ADCY1: variants seen among roughly 807,000 people sequenced by gnomAD.
ADCY1 encodes adenylate cyclase type 1.
Under a neutral mutation model 105.4 loss-of-function variants are expected in ADCY1, and 28 were observed. The observed-to-expected ratio is 0.27, with a 90% CI of 0.20 to 0.36. The LOEUF (loss-of-function observed/expected upper bound fraction) is 0.36, where lower values mean the gene tolerates loss of function less well. Among genes scored for constraint, ADCY1 ranks in the 10% least tolerant of loss-of-function variants. The pLI, the probability that ADCY1 is intolerant of heterozygous loss-of-function variation, is 1.00. For missense variants in ADCY1, 977 were observed against 1,434.2 expected (o/e 0.68, Z 5.15); for synonymous variants, 655 against 623.8 (o/e 1.05, Z -0.75).
intron 14 of ADCY1, among the ~76,000 whole-genome samples, chr7:45,700,382 C>G (rs1248571785): frequency 6.6e-6 from 1 of 152,198 alleles, no homozygotes; most frequent in Non-Finnish European, 1.5e-5. Context: ...AGAAGCTGAA[C>G]ATGAAGCAAT....
intron 14 of ADCY1, among the ~76,000 whole-genome samples, chr7:45,689,175 C>T (rs974311732): frequency 4.0e-5 from 6 of 151,820 alleles, no homozygotes; most frequent in Admixed American, 6.6e-5. Context: ...TGGCCTCTCC[C>T]GGGGAAGTGC....
intron 5 of ADCY1, among the ~76,000 whole-genome samples, chr7:45,651,262 A>G (rs1349418739): frequency 1.3e-5 from 2 of 151,896 alleles, no homozygotes; most frequent in African/African-American, 4.8e-5. Flanking sequence ...CTTCCTCCTC[A>G]GACTGTCACA....
At chr7:45,711,711 A>ATG (rs1196702725) in intron 19 of ADCY1, among the ~76,000 whole-genome samples, 14 of 143,450 alleles carry the variant, frequency 9.8e-5, no homozygotes, top group East Asian at 6.0e-4. Context: ...ATATACATAT[A>ATG]TGTGTGTATA....
intron 14 of ADCY1, among the ~76,000 whole-genome samples, chr7:45,690,990 G>T (rs1784777065): frequency 6.6e-6 from 1 of 152,238 alleles, no homozygotes; most frequent in Non-Finnish European, 1.5e-5. Flanking sequence ...TTACTAGGGT[G>T]CCTGGTTGGT....
At chr7:45,632,644 G>A (rs1392807451) in intron 4 of ADCY1, among the ~76,000 whole-genome samples, 1 of 151,926 alleles carries the variant, frequency 6.6e-6, no homozygotes, top group Non-Finnish European at 1.5e-5. Context: ...GGTCATTGCA[G>A]CCTCCACCTC....
intron 5 of ADCY1, among the ~76,000 whole-genome samples, chr7:45,655,098 A>G (rs1446194206): frequency 4.6e-5 from 7 of 152,202 alleles, no homozygotes; most frequent in Non-Finnish European, 1.0e-4. Flanking sequence ...CTATAGCTAC[A>G]GTGCTTGAAA....
At chr7:45,617,801 A>G (rs1395299821) in intron 3 of ADCY1, among the ~76,000 whole-genome samples, 64 of 152,248 alleles carry the variant, frequency 4.2e-4, no homozygotes, top group Non-Finnish European at 7.3e-5. Flanking sequence ...AATGACTGTA[A>G]TACCCAAAGT....
intron 6 of ADCY1, among the ~76,000 whole-genome samples, chr7:45,658,580 C>T (rs573827186): frequency 4.6e-5 from 7 of 152,204 alleles, no homozygotes; most frequent in South Asian, 2.1e-4. Flanking sequence ...TCAGTGTGCC[C>T]GGGGCTCAGC....
At position 45,692,134 on chromosome 7, in the gene ADCY1, G is replaced by A. The variant is rs145672076; in HGVS notation, c.2454+5461G>A. 2.1e-4 allele frequency among the ~76,000 whole-genome samples: 32 copies of A among 152,234 alleles called. 1 individual carries two copies. In the East Asian group the frequency reaches 5.8e-3, roughly 28 times the overall value. ...GCAGCACACTTCTATGGAAACCTCCGAGGAGCCAAACCTTGGTGCGTAACC... is the reference window on the plus strand; with the variant it reads ...GCAGCACACTTCTATGGAAACCTCCAAGGAGCCAAACCTTGGTGCGTAACC... On this transcript the variant is annotated intron_variant, in intron 14 of 19. Transcript: ENST00000297323.
At chr7:45,638,964 G>T (rs1238715573) in intron 4 of ADCY1, among the ~76,000 whole-genome samples, 1 of 151,980 alleles carries the variant, frequency 6.6e-6, no homozygotes, top group African/African-American at 2.4e-5. Flanking sequence ...TGGAGATGCA[G>T]GTGACCCCCA....
chr7:45,665,390 A>T (rs768430386), intron 8 of ADCY1, among the ~76,000 whole-genome samples: 3 of 152,236 alleles, frequency 2.0e-5, no homozygotes, highest in Non-Finnish European at 4.4e-5. Flanking sequence ...GGTGGGGAAC[A>T]TGACATTGCC....
chr7:45,700,067 C>T (rs1413812817), intron 14 of ADCY1, among the ~76,000 whole-genome samples: 2 of 152,130 alleles, frequency 1.3e-5, no homozygotes, highest in Non-Finnish European at 2.9e-5. Flanking sequence ...ACCCCAGAGC[C>T]CTGCAGGGAG....
intron 3 of ADCY1, among the ~76,000 whole-genome samples, chr7:45,621,818 T>G (rs1235689336): frequency 3.3e-5 from 5 of 152,226 alleles, no homozygotes; most frequent in Non-Finnish European, 7.3e-5. Context: ...TGAACAAATG[T>G]GAATAAATGA....
intron 14 of ADCY1, among the ~76,000 whole-genome samples, chr7:45,691,314 A>G (rs1274638886): frequency 6.6e-6 from 1 of 152,218 alleles, no homozygotes; most frequent in Non-Finnish European, 1.5e-5. Flanking sequence ...CACATGGAGT[A>G]TACTGCCATG....
chr7:45,671,422 AT>A (rs1562717355), intron 8 of ADCY1, among the ~76,000 whole-genome samples: 1 of 152,204 alleles, frequency 6.6e-6, no homozygotes, highest in Non-Finnish European at 1.5e-5. Context: ...GCGCACATCC[AT>A]GTTAACTCAT....
At chr7:45,609,943 G>A (rs1301829967) in intron 2 of ADCY1, among the ~76,000 whole-genome samples, 2 of 152,198 alleles carry the variant, frequency 1.3e-5, no homozygotes, top group African/African-American at 2.4e-5. Context: ...CCCGTAGCCC[G>A]CCTATCTGTG....
rs574000491 is a variant in ADCY1, at chr7:45,666,773, A to G, written c.1605+4559A>G. Reference sequence around the variant, plus strand: ...TGTAAAAGTGTTCCTATTTCTCCACATCCTCTCCAGCACCTGTTGTTTCCT... The same window carrying G: ...TGTAAAAGTGTTCCTATTTCTCCACGTCCTCTCCAGCACCTGTTGTTTCCT... On this transcript the variant is annotated intron_variant, in intron 8 of 19. Coordinates refer to ENST00000297323, the MANE Select transcript of ADCY1 (RefSeq NM_021116.4). Among the ~76,000 whole-genome samples, 464 of 152,272 alleles carry G rather than the reference A, an allele frequency of 3.0e-3. 1 individual carries two copies. The highest frequency in any genetic ancestry group is 8.6e-3 in the Admixed American group (131 of 15,276).
chr7:45,627,694 T>C (rs1794102628), intron 4 of ADCY1, among the ~76,000 whole-genome samples: 2 of 152,194 alleles, frequency 1.3e-5, no homozygotes, highest in African/African-American at 4.8e-5. Context: ...GGAGCCTCAT[T>C]TGGGGAAGCT....
intron 12 of ADCY1, among the ~76,000 whole-genome samples, chr7:45,685,653 T>C (rs1784656923): frequency 6.7e-6 from 1 of 149,556 alleles, no homozygotes. Flanking sequence ...AGGAACAGGA[T>C]GGAGCTGGGG....
Sources: gnomAD v4.1 joint callset for allele counts (sites outside exome capture counted in the v4.1 genomes callset) on GRCh38, gnomAD v4.1.1 for gene constraint, MANE v1.5 for transcripts, NCBI Gene and HGNC (gene_info 2026-07-23, HGNC 2026-07-21) for gene names.